The following TPD52 variants were observed in gnomAD, a reference collection of about 807,000 sequenced individuals.
TPD52 encodes tumor protein D52.
A neutral mutation model predicts 31.3 loss-of-function variants in TPD52; 17 were observed. The observed-to-expected ratio is 0.54, with a 90% confidence interval of 0.37 to 0.82. The LOEUF (loss-of-function observed/expected upper bound fraction) is 0.82. Ranked by LOEUF, TPD52 falls within the 40% of genes least tolerant of loss-of-function variation. The probability of loss-of-function intolerance (pLI) is 0.00; values close to 1 mark genes in which losing one functional copy is unlikely to be tolerated. For synonymous variants in TPD52, 83 were observed against 89.6 expected, an observed-to-expected ratio of 0.93 and a Z score of 0.42; for missense variants, 212 against 240.1, an observed-to-expected ratio of 0.88 and a Z score of 0.77.
chr8:80,126,402 T>C (rs184739219), intron 1 of TPD52, among the ~76,000 whole-genome samples: 2 of 150,854 alleles, frequency 1.3e-5, no homozygotes, highest in African/African-American at 4.8e-5. Context: ...TCATCCCAAA[T>C]GGATTTTAAT....
intron 1 of TPD52, among the ~76,000 whole-genome samples, chr8:80,110,946 C>T (rs1444103779): frequency 1.3e-5 from 2 of 152,232 alleles, no homozygotes; most frequent in Non-Finnish European, 2.9e-5. Flanking sequence ...GGACTCACGC[C>T]TGTAATTCCA....
intron 1 of TPD52, among the ~76,000 whole-genome samples, chr8:80,101,915 TTG>T (rs972644281): frequency 6.7e-6 from 1 of 150,304 alleles, no homozygotes; most frequent in African/African-American, 2.4e-5. Context: ...CCAAGTGAAA[TTG>T]TGTGTGTGAG....
At chr8:80,054,576 A>G (rs3940419) in intron 2 of TPD52, among the ~76,000 whole-genome samples, 87,534 of 151,938 alleles carry the variant, frequency 0.58, 25,771 homozygotes, top group East Asian at 0.7. Flanking sequence ...TTTCAGCCCC[A>G]ACCTGCACGG....
chr8:80,075,504 A>C (rs973400563), intron 1 of TPD52, among the ~76,000 whole-genome samples: 1 of 152,234 alleles, frequency 6.6e-6, no homozygotes, highest in Non-Finnish European at 1.5e-5. Context: ...AACGATCCTC[A>C]AGGTAAAACA....
intron 1 of TPD52, among the ~76,000 whole-genome samples, chr8:80,149,128 AC>A (rs1300168342): frequency 6.6e-6 from 1 of 152,152 alleles, no homozygotes; most frequent in African/African-American, 2.4e-5. Context: ...CTGTGTCCCC[AC>A]CCGAATTTCA....
intron 2 of TPD52, among the ~76,000 whole-genome samples, chr8:80,063,060 G>T (rs1812716893): frequency 6.6e-6 from 1 of 152,066 alleles, no homozygotes; most frequent in Non-Finnish European, 1.5e-5. Flanking sequence ...ATATGAAAAA[G>T]AACTGAAACT....
At chr8:80,134,057 C>T (rs1304111477) in intron 1 of TPD52, among the ~76,000 whole-genome samples, 1 of 152,160 alleles carries the variant, frequency 6.6e-6, no homozygotes, top group African/African-American at 2.4e-5. Context: ...ACATGGCAGA[C>T]ACGGTGATTC....
At chr8:80,135,355 C>T (rs531245273) in intron 1 of TPD52, among the ~76,000 whole-genome samples, 2 of 152,276 alleles carry the variant, frequency 1.3e-5, no homozygotes, top group South Asian at 2.1e-4. Flanking sequence ...TGGCTCACTT[C>T]CCCAGCCAAC....
chr8:80,042,107 A>G (rs1471700824), intron 7 of TPD52: 1 of 896,208 alleles, frequency 1.1e-6, no homozygotes, highest in Non-Finnish European at 1.3e-6. Context: ...AAAAAGTAAT[A>G]TACAAGCAGC....
intron 1 of TPD52, among the ~76,000 whole-genome samples, chr8:80,131,753 C>T (rs1188111547): frequency 1.3e-5 from 2 of 152,200 alleles, no homozygotes; most frequent in Non-Finnish European, 2.9e-5. Flanking sequence ...CACAGCCACA[C>T]ACCCCTTTAC....
At chr8:80,143,905 C>T (rs951158280) in intron 1 of TPD52, among the ~76,000 whole-genome samples, 4 of 152,010 alleles carry the variant, frequency 2.6e-5, no homozygotes, top group Non-Finnish European at 5.9e-5. Flanking sequence ...TTGTAATGTT[C>T]ATGAAACATA....
chr8:80,096,970 A>G (rs1052830401), intron 1 of TPD52, among the ~76,000 whole-genome samples: 4 of 152,256 alleles, frequency 2.6e-5, no homozygotes, highest in Non-Finnish European at 5.9e-5. Flanking sequence ...TCTGTAGGCC[A>G]AAAACCAGAC....
chr8:80,051,963 T>C (rs978782315), intron 3 of TPD52: 4 of 221,474 alleles, frequency 1.8e-5, no homozygotes, highest in East Asian at 9.7e-5. Flanking sequence ...CTCATACCTA[T>C]TGTTCTTTTC....
chr8:80,099,004 G>A (rs1473745649), intron 1 of TPD52, among the ~76,000 whole-genome samples: 1 of 152,192 alleles, frequency 6.6e-6, no homozygotes, highest in Non-Finnish European at 1.5e-5. Context: ...TTTTTAAACT[G>A]AGGTAAGTGC....
intron 1 of TPD52, among the ~76,000 whole-genome samples, chr8:80,109,792 C>T (rs1488535442): frequency 6.6e-6 from 1 of 152,180 alleles, no homozygotes; most frequent in Admixed American, 6.5e-5. Context: ...TATTAGACTG[C>T]AGCCCTATTA....
rs536667453 is a variant in TPD52, at chr8:80,134,805, C to T, written c.19+36620G>A. Among the ~76,000 whole-genome samples the T allele has an allele frequency of 1.2e-4, 18 of 152,326 alleles. No homozygotes were observed. The South Asian group carries it at 3.5e-3, about 30-fold the overall frequency. ...AACTGTCAACTTGACCACAGTCTCA[C>T]GAGAGGCCCTGAGCCACACCATCCA... On this transcript the variant is annotated intron_variant, in intron 1 of 7. Transcript: ENST00000518937.
At chr8:80,086,877 C>CAAAAA (rs58864911) in intron 1 of TPD52, among the ~76,000 whole-genome samples, 963 of 76,604 alleles carry the variant, frequency 0.013, 10 homozygotes, top group Non-Finnish European at 0.017. Context: ...GCTGTCTCAA[C>CAAAAA]AAAAAAAAAA....
chr8:80,124,184 T>C (rs1586345950), intron 1 of TPD52, among the ~76,000 whole-genome samples: 1 of 143,500 alleles, frequency 7.0e-6, no homozygotes, highest in East Asian at 2.1e-4. Flanking sequence ...TTTTTTTTTT[T>C]AGACAGGGTC....
In TPD52 at chr8:80,081,550, C is replaced by A. The variant is rs1353302008; in HGVS notation, c.20-16957G>T. Reference sequence around the variant, plus strand: ...ACAAAAAAAAAGGCAGTGTTCTAATCTAATCTAAAAGGCGGTTTTCAAATC... The same window carrying A: ...ACAAAAAAAAAGGCAGTGTTCTAATATAATCTAAAAGGCGGTTTTCAAATC... On this transcript the variant is annotated intron_variant, in intron 1 of 7. Transcript: ENST00000518937. 4.0e-5 allele frequency among the ~76,000 whole-genome samples: 6 copies of A among 151,840 alleles called. No homozygotes were observed. The East Asian group carries it at 1.2e-3, about 29-fold the overall frequency.
Sources: allele counts gnomAD v4.1 joint callset (sites outside exome capture counted in the v4.1 genomes callset), GRCh38; gene constraint gnomAD v4.1.1; transcripts MANE v1.5; gene names NCBI Gene and HGNC (gene_info 2026-07-23, HGNC 2026-07-21).